ZFYVE26: variants seen among roughly 807,000 people sequenced by gnomAD.
The protein encoded by ZFYVE26 is zinc finger FYVE-type containing 26, also known as zinc finger FYVE domain-containing protein 26.
ZFYVE26 carries 181 observed loss-of-function variants against 276.5 expected under a neutral mutation model. The ratio of observed to expected loss-of-function variants is 0.65; its 90% confidence interval spans 0.58 to 0.74. ZFYVE26 has a LOEUF of 0.74. Among genes scored for constraint, ZFYVE26 ranks in the 30% least tolerant of loss-of-function variants. The pLI is 0.00. For synonymous variants in ZFYVE26, 1,129 were observed against 1,203.1 expected (o/e 0.94, Z 1.27); for missense variants, 2,821 against 3,097.9 (o/e 0.91, Z 2.12).
chr14:67,801,927 G>C (rs2140246499), intron 10 of ZFYVE26, 152 bp downstream of exon 10: 1 of 852,874 alleles, frequency 1.2e-6, no homozygotes, highest in Non-Finnish European at 2.0e-6. Context: ...CTTTGATTCA[G>C]AGGCTGACAG....
At position 67,786,262 on chromosome 14, in the gene ZFYVE26, C is replaced by CAAAA. The variant is rs10525614; in HGVS notation, c.3020-33_3020-30dup. 4,182 of 1,286,172 alleles carry CAAAA rather than the reference C, an allele frequency of 3.3e-3. 42 individuals carry two copies. Among genetic ancestry groups the CAAAA allele is most frequent in the Non-Finnish European group, 3.9e-3 (3,821 of 971,690 alleles). 79.7% of individuals were successfully genotyped at this position (1,286,172 alleles called of 1,614,324 possible). A position where few individuals can be genotyped will look rare whatever the true frequency, so the allele number is the denominator to read the frequency against. ...GAAATAGATGAAGGAAGAGGGAATG[C>CAAAA]AAAAAAAAAAAATTGAAGTGTTTTC... On this transcript the variant is annotated intron_variant, in intron 16 of 41. Transcript: ENST00000347230.
chr14:67,755,336 C>A, intron 36 of ZFYVE26, 86 bp from the exon 37 acceptor site: 2 of 1,473,816 alleles, frequency 1.4e-6, no homozygotes, highest in Non-Finnish European at 1.9e-6. Context: ...CTGATTTCTG[C>A]CTATGAGACC....
At chr14:67,739,489 C>T (rs1239427980) in intron 13 of ZFYVE26, among the ~76,000 whole-genome samples, 1 of 152,000 alleles carries the variant, frequency 6.6e-6, no homozygotes, top group African/African-American at 2.4e-5. Flanking sequence ...TGCTGACATT[C>T]TACCATTTTT....
At chr14:67,774,990 A>G (rs2039302798) in intron 27 of ZFYVE26, 26 bp downstream of exon 27, 1 of 1,546,024 alleles carries the variant, frequency 6.5e-7, no homozygotes, top group Non-Finnish European at 8.9e-7. Flanking sequence ...GAAAAATTTT[A>G]GTGAATCATC....
intron 21 of ZFYVE26, among the ~76,000 whole-genome samples, chr14:67,781,905 C>T (rs1286199854): frequency 6.6e-6 from 1 of 152,202 alleles, no homozygotes; most frequent in Non-Finnish European, 1.5e-5. Flanking sequence ...TTCCTTTTCC[C>T]TGTAATTTCC....
At chr14:67,800,549 T>G (rs1288231439) in intron 10 of ZFYVE26, among the ~76,000 whole-genome samples, 1 of 152,206 alleles carries the variant, frequency 6.6e-6, no homozygotes, top group Non-Finnish European at 1.5e-5. Flanking sequence ...GCTAAATGAC[T>G]TCTTAGAGGC....
chr14:67,744,795 T>C (rs1309301228), downstream of ZFYVE26, among the ~76,000 whole-genome samples: 1 of 152,232 alleles, frequency 6.6e-6, no homozygotes, highest in Non-Finnish European at 1.5e-5. Context: ...TGCCACATTT[T>C]CTTTATCCAT....
exon 14 of ZFYVE26, chr14:67,729,476 G>C: frequency 8.0e-7 from 1 of 1,251,918 alleles, no homozygotes; most frequent in Non-Finnish European, 1.1e-6. Flanking sequence ...GTTTGTGCCT[G>C]ATGATGCAAT....
downstream of ZFYVE26, among the ~76,000 whole-genome samples, chr14:67,745,086 G>A (rs1328309922): frequency 2.6e-5 from 4 of 152,040 alleles, no homozygotes; most frequent in African/African-American, 7.2e-5. Context: ...TTGTTTCCTG[G>A]CTTTTTAATA....
At chr14:67,794,980 A>G (rs936343340) in intron 12 of ZFYVE26, among the ~76,000 whole-genome samples, 2 of 152,192 alleles carry the variant, frequency 1.3e-5, no homozygotes. Flanking sequence ...CCAAAGTCTA[A>G]GACCTGGCTG....
chr14:67,729,211 G>A, exon 14 of ZFYVE26: 4 of 1,612,522 alleles, frequency 2.5e-6, no homozygotes, highest in Non-Finnish European at 3.4e-6. Flanking sequence ...CACCACCTAC[G>A]CAGTGCACCC....
intron 13 of ZFYVE26, among the ~76,000 whole-genome samples, chr14:67,740,329 GAA>G (rs1282934074): frequency 2.0e-5 from 3 of 151,274 alleles, no homozygotes; most frequent in Non-Finnish European, 4.4e-5. Flanking sequence ...GGAAATCAAA[GAA>G]ATGCAAAAAA....
Position 67,797,663 on chromosome 14 carries a change from TC to T in ZFYVE26, c.2332+8del, listed in dbSNP as rs749416648. 6.2e-7 allele frequency: 1 copy of T among 1,613,550 alleles called. No individual in the cohort carries two copies. The highest frequency in any genetic ancestry group is 1.1e-5 in the South Asian group (1 of 90,998). ...TGCCTAGTGCATGGGAATGAGCTCTTCAGATTACCTGCCTGGCTCCTTCTTG... is the reference window on the plus strand; with the variant it reads ...TGCCTAGTGCATGGGAATGAGCTCTTAGATTACCTGCCTGGCTCCTTCTTG... On this transcript the variant is annotated splice_region_variant and intron_variant, in intron 12 of 41. Coordinates refer to ENST00000347230, the MANE Select transcript of ZFYVE26 (RefSeq NM_015346.4).
chr14:67,805,099 G>T, intron 8 of ZFYVE26, 118 bp downstream of exon 8: 2 of 931,928 alleles, frequency 2.1e-6, no homozygotes, highest in Non-Finnish European at 3.4e-6. Flanking sequence ...TTTAGTAGCT[G>T]GTCAACATTG....
chr14:67,760,008 C>G (rs897373436), intron 35 of ZFYVE26, among the ~76,000 whole-genome samples: 1 of 152,070 alleles, frequency 6.6e-6, no homozygotes, highest in African/African-American at 2.4e-5. Flanking sequence ...TAAGATATTT[C>G]AGTTCAAGGG....
intron 20 of ZFYVE26, 39 bp from the exon 21 acceptor site, chr14:67,783,564 A>G (rs1566883190): frequency 6.2e-7 from 1 of 1,606,646 alleles, no homozygotes; most frequent in African/African-American, 1.3e-5. Flanking sequence ...AGGCCTGAAT[A>G]CACAGGCACC....
chr14:67,787,262 A>T (rs2039683347), intron 16 of ZFYVE26, among the ~76,000 whole-genome samples: 1 of 152,022 alleles, frequency 6.6e-6, no homozygotes, highest in Non-Finnish European at 1.5e-5. Flanking sequence ...GGGCTGAGAC[A>T]GGAGAATCAC....
chr14:67,785,295 G>C lies in ZFYVE26; in HGVS notation c.3305-18C>G. The C allele has an allele frequency of 6.3e-7, 1 of 1,575,842 alleles. No homozygotes were observed. The highest frequency in any genetic ancestry group is 8.6e-7 in the Non-Finnish European group (1 of 1,160,756). On this transcript the variant is annotated intron_variant, in intron 18 of 41. Transcript: ENST00000347230. The stretch of plus-strand genomic sequence containing the variant: ...CCTGGGCTCTGAGAGGAGGATGGCA[G>C]GAGAAAGGACACAGGCTTCAGTCTG...
rs1458227314 is a variant in ZFYVE26 at position 67,785,012 on chromosome 14, C to T, written c.3523+47G>A. On this transcript the variant is annotated intron_variant, in intron 19 of 41. Coordinates refer to ENST00000347230, the MANE Select transcript of ZFYVE26 (RefSeq NM_015346.4). ...CATCTTTTCTCTTCCTTGCCCTGAA[C>T]ACTTGCAGGTCTGCCATGAATCTAT... 3.1e-6 allele frequency: 5 copies of T among 1,594,108 alleles called. No individual in the cohort carries two copies. In the South Asian group the frequency reaches 3.3e-5, roughly 11 times the overall value.
Sources: gnomAD v4.1 joint callset for allele counts (sites outside exome capture counted in the v4.1 genomes callset) on GRCh38, gnomAD v4.1.1 for gene constraint, MANE v1.5 for transcripts, NCBI Gene and HGNC (gene_info 2026-07-23, HGNC 2026-07-21) for gene names.